LINGO2: variants seen among roughly 807,000 people sequenced by gnomAD.
LINGO2 encodes the protein leucine rich repeat and Ig domain containing 2.
A neutral mutation model predicts 30.6 loss-of-function variants in LINGO2; 14 were observed. That is an observed-to-expected ratio of 0.46 (90% CI 0.30 to 0.72). The LOEUF is 0.72. Among genes scored for constraint, LINGO2 ranks in the 30% least tolerant of loss-of-function variants. LINGO2 has a pLI of 0.07. For synonymous variants in LINGO2, 317 were observed against 288.5 expected, an observed-to-expected ratio of 1.10 and a Z score of -1.00; for missense variants, 729 against 751.7, an observed-to-expected ratio of 0.97 and a Z score of 0.35.
chr9:28,461,149 T>C (rs1825064723), intron 2 of LINGO2, among the ~76,000 whole-genome samples: 1 of 152,160 alleles, frequency 6.6e-6, no homozygotes, highest in Admixed American at 6.6e-5. Context: ...CATAAAATGA[T>C]AGAAGATAGT....
chr9:28,297,199 A>T (rs1050772999), intron 3 of LINGO2, among the ~76,000 whole-genome samples: 12 of 151,650 alleles, frequency 7.9e-5, no homozygotes, highest in Non-Finnish European at 1.3e-4. Flanking sequence ...CACTTATTAT[A>T]AAAAAAGTGA....
At chr9:28,018,627 A>G (rs371779351) in intron 4 of LINGO2, among the ~76,000 whole-genome samples, 135 of 152,260 alleles carry the variant, frequency 8.9e-4, no homozygotes, top group African/African-American at 3.1e-3. Context: ...AAATGCAAAT[A>G]CAAACCACAA....
chr9:28,616,656 AACAG>A (rs1826143228), intron 1 of LINGO2, among the ~76,000 whole-genome samples: 1 of 152,188 alleles, frequency 6.6e-6, no homozygotes, highest in Non-Finnish European at 1.5e-5. Flanking sequence ...CTTTAATGAA[AACAG>A]ACAGAACTGG....
intron 4 of LINGO2, among the ~76,000 whole-genome samples, chr9:28,083,305 C>T (rs1397105450): frequency 6.6e-6 from 1 of 152,148 alleles, no homozygotes; most frequent in Non-Finnish European, 1.5e-5. Context: ...GACAATCGTG[C>T]TTGGTCGCTA....
chr9:28,437,129 G>A (rs1293477084), intron 2 of LINGO2, among the ~76,000 whole-genome samples: 2 of 152,222 alleles, frequency 1.3e-5, no homozygotes, highest in African/African-American at 4.8e-5. Flanking sequence ...TTATGAGTCA[G>A]TGGACTGAGT....
At chr9:28,874,451 T>C in the LINGO2 span, among the ~76,000 whole-genome samples, 4 of 152,086 alleles carry the variant, frequency 2.6e-5, no homozygotes, top group Non-Finnish European at 4.4e-5. Context: ...TGTTTTTAAG[T>C]GTATTACATG....
chr9:28,440,429 T>C (rs1824146347), intron 2 of LINGO2, among the ~76,000 whole-genome samples: 1 of 152,194 alleles, frequency 6.6e-6, no homozygotes, highest in African/African-American at 2.4e-5. Flanking sequence ...CAGAAGAATT[T>C]GGAAATAGTG....
chr9:28,910,308 A>AT, the LINGO2 span, among the ~76,000 whole-genome samples: 5 of 151,366 alleles, frequency 3.3e-5, no homozygotes, highest in African/African-American at 4.9e-5. Flanking sequence ...ATGCTCACCA[A>AT]TTTTTTTTTG....
intron 2 of LINGO2, among the ~76,000 whole-genome samples, chr9:28,461,437 AT>A: frequency 6.6e-6 from 1 of 152,344 alleles, no homozygotes; most frequent in South Asian, 2.1e-4. Flanking sequence ...ATAGCAACAC[AT>A]TTTGTATCAA....
the LINGO2 span, among the ~76,000 whole-genome samples, chr9:28,816,425 C>T: frequency 6.6e-6 from 1 of 152,170 alleles, no homozygotes; most frequent in African/African-American, 2.4e-5. Context: ...TTATCAACCT[C>T]ATTTTCTTTT....
At chr9:28,042,089 G>C (rs2132989701) in intron 4 of LINGO2, among the ~76,000 whole-genome samples, 1 of 152,216 alleles carries the variant, frequency 6.6e-6, no homozygotes, top group East Asian at 1.9e-4. Context: ...ATACTTCTAA[G>C]GATTTAATCA....
rs182633578 is a variant in LINGO2 at position 28,096,792 on chromosome 9, A to C, written c.-86-84387T>G. ...TATCTAAACAACATGGAAAACACTG[A>C]AAATTTTGTAATGTCTTGGCATTCA... On this transcript the variant is annotated intron_variant, in intron 4 of 5. Coordinates refer to ENST00000379992, the Ensembl canonical transcript of LINGO2. Among the ~76,000 whole-genome samples the C allele has an allele frequency of 4.5e-4, 69 of 152,296 alleles. 1 individual carries two copies. Among genetic ancestry groups the C allele is most frequent in the African/African-American group, 1.6e-3 (67 of 41,572 alleles).
intron 1 of LINGO2, among the ~76,000 whole-genome samples, chr9:28,533,005 G>A (rs991081325): frequency 1.1e-4 from 16 of 152,148 alleles, no homozygotes; most frequent in African/African-American, 3.9e-4. Context: ...TGGACTGAAG[G>A]ATACAAAGTA....
the LINGO2 span, among the ~76,000 whole-genome samples, chr9:28,880,756 G>T: frequency 1.3e-5 from 2 of 152,150 alleles, no homozygotes; most frequent in Non-Finnish European, 2.9e-5. Context: ...TATAAAACCC[G>T]ATTGTACATT....
At chr9:28,639,396 A>T (rs1378232491) in intron 1 of LINGO2, among the ~76,000 whole-genome samples, 1 of 152,066 alleles carries the variant, frequency 6.6e-6, no homozygotes, top group Non-Finnish European at 1.5e-5. Flanking sequence ...TGTCTCATTG[A>T]TCTGTCTAAT....
intron 5 of LINGO2, among the ~76,000 whole-genome samples, chr9:28,001,189 A>T (rs919179983): frequency 4.6e-5 from 7 of 152,216 alleles, no homozygotes; most frequent in Non-Finnish European, 1.5e-5. Flanking sequence ...TTATTCAGAA[A>T]GACCAATATG....
At chr9:28,813,217 T>C in the LINGO2 span, among the ~76,000 whole-genome samples, 1 of 152,114 alleles carries the variant, frequency 6.6e-6, no homozygotes, top group East Asian at 1.9e-4. Context: ...CCCCCCCCAA[T>C]TAGCTGCAAG....
chr9:29,193,248 T>C, the LINGO2 span, among the ~76,000 whole-genome samples: 2 of 152,222 alleles, frequency 1.3e-5, no homozygotes, highest in Non-Finnish European at 2.9e-5. Context: ...AAACTGCCTA[T>C]GAAATAGTTT....
intron 4 of LINGO2, among the ~76,000 whole-genome samples, chr9:28,164,045 A>G (rs1828360186): frequency 6.6e-6 from 1 of 152,140 alleles, no homozygotes; most frequent in African/African-American, 2.4e-5. Context: ...TCAGGAGTAA[A>G]TTTTCTCTAA....
Sources: allele counts gnomAD v4.1 joint callset (sites outside exome capture counted in the v4.1 genomes callset), GRCh38; gene constraint gnomAD v4.1.1; transcripts MANE v1.5; gene names NCBI Gene and HGNC (gene_info 2026-07-23, HGNC 2026-07-21).